IARS1: variants seen among roughly 807,000 people sequenced by gnomAD.
The protein encoded by IARS1 is isoleucyl-tRNA synthetase 1, also known as isoleucine--tRNA ligase, cytoplasmic.
In IARS1, 124 loss-of-function variants were observed where a neutral mutation model predicts 168.2. The ratio of observed to expected loss-of-function variants is 0.74; its 90% confidence interval spans 0.64 to 0.86. The LOEUF (loss-of-function observed/expected upper bound fraction) is 0.86, where lower values mean the gene tolerates loss of function less well. IARS1 is among the 40% of genes least tolerant of loss of function. The pLI is 0.00. For missense variants in IARS1, 1,452 were observed against 1,515.8 expected (o/e 0.96, Z 0.70); for synonymous variants, 532 against 529.4 (o/e 1.00, Z -0.07).
At chr9:92,258,784 C>A in intron 19 of IARS1, 70 bp downstream of exon 19, 1 of 1,458,918 alleles carries the variant, frequency 6.9e-7, no homozygotes, top group South Asian at 1.4e-5. Context: ...CAGAGCTCCA[C>A]CTCACAGCTT....
At chr9:92,215,638 G>A (rs558696186) in intron 33 of IARS1, among the ~76,000 whole-genome samples, 2 of 152,158 alleles carry the variant, frequency 1.3e-5, no homozygotes, top group African/African-American at 4.8e-5. Context: ...GAAGCCTCAG[G>A]AGCCGATGCG....
intron 13 of IARS1, among the ~76,000 whole-genome samples, chr9:92,269,604 G>T (rs1832742823): frequency 6.6e-6 from 1 of 152,114 alleles, no homozygotes; most frequent in South Asian, 2.1e-4. Flanking sequence ...ATTTTTCCAA[G>T]GTCATTTCAT....
intron 32 of IARS1, among the ~76,000 whole-genome samples, chr9:92,222,898 C>T (rs1437528903): frequency 1.3e-5 from 2 of 151,920 alleles, no homozygotes; most frequent in Non-Finnish European, 2.9e-5. Flanking sequence ...TATAAAAGCC[C>T]AGCAGCTTGG....
At chr9:92,270,908 G>C (rs1832933281) in intron 12 of IARS1, 77 bp downstream of exon 12, 1 of 928,606 alleles carries the variant, frequency 1.1e-6, no homozygotes. Flanking sequence ...CCACAAATAA[G>C]ATGGAATGGG....
chr9:92,240,018 G>T (rs1477002206), intron 30 of IARS1, among the ~76,000 whole-genome samples: 1 of 152,146 alleles, frequency 6.6e-6, no homozygotes, highest in African/African-American at 2.4e-5. Context: ...AGCTTCTTCA[G>T]TTCCAACTTT....
rs774187456 is a variant in IARS1, at chr9:92,222,505, C to A, written c.3706+15G>T. ...TCAACAAAAATAAAAAACTTACGGT[C>A]CACAATCTCCTTACCCTGCGTTTGG... On this transcript the variant is annotated intron_variant, in intron 33 of 33. Coordinates refer to ENST00000443024, the MANE Select transcript of IARS1 (RefSeq NM_002161.6). The A allele has an allele frequency of 1.2e-6, 2 of 1,607,528 alleles. No homozygotes were observed. The highest frequency in any genetic ancestry group is 2.2e-5 in the South Asian group (2 of 89,808).
At chr9:92,223,525 G>A (rs930218699) in intron 31 of IARS1, 36 bp from the exon 32 acceptor site, 31 of 1,571,958 alleles carry the variant, frequency 2.0e-5, no homozygotes, top group Non-Finnish European at 2.6e-5. Flanking sequence ...CAGGGTTAAC[G>A]AACAAATTCA....
intron 21 of IARS1, among the ~76,000 whole-genome samples, chr9:92,253,155 T>C (rs991918867): frequency 6.6e-6 from 1 of 152,172 alleles, no homozygotes; most frequent in Admixed American, 6.5e-5. Flanking sequence ...GTTGTGAAAA[T>C]AATGCAAAAT....
intron 7 of IARS1, 74 bp from the exon 8 acceptor site, chr9:92,278,360 A>G: frequency 2.9e-6 from 3 of 1,017,334 alleles, no homozygotes; most frequent in Non-Finnish European, 3.1e-6. Flanking sequence ...TGCATCAAGC[A>G]TACTTTTGTC....
chr9:92,271,140 C>T, intron 11 of IARS1, 64 bp from the exon 12 acceptor site: 1 of 920,034 alleles, frequency 1.1e-6, no homozygotes, highest in East Asian at 2.6e-5. Context: ...CAATATATTA[C>T]TAGAATCTGA....
rs1587834918 is a variant in IARS1, at chr9:92,264,135, G to C, written c.1700+794C>G. On this transcript the variant is annotated intron_variant, in intron 16 of 33. Coordinates refer to ENST00000443024, the MANE Select transcript of IARS1 (RefSeq NM_002161.6). ...GGGTCACTTGAGGTCAGGAGTTCGA[G>C]ACCAGCCTGGCCAACATGGTGAAAC... Among the ~76,000 whole-genome samples the C allele has an allele frequency of 5.9e-5, 9 of 152,256 alleles. 1 individual carries two copies. Among genetic ancestry groups the C allele is most frequent in the Admixed American group, 5.9e-4 (9 of 15,302 alleles).
intron 30 of IARS1, among the ~76,000 whole-genome samples, chr9:92,230,988 C>T (rs1419533925): frequency 2.6e-5 from 4 of 152,106 alleles, no homozygotes; most frequent in Non-Finnish European, 5.9e-5. Flanking sequence ...CTAGATATGT[C>T]TTTTGTCAAA....
At chr9:92,258,263 G>A (rs1393143891) in intron 19 of IARS1, among the ~76,000 whole-genome samples, 1 of 152,082 alleles carries the variant, frequency 6.6e-6, no homozygotes, top group Admixed American at 6.6e-5. Flanking sequence ...TAAGGGGAGG[G>A]GTGTCTCACT....
At chr9:92,288,099 ATT>A (rs1459292461) in intron 3 of IARS1, 25 bp downstream of exon 3, 1 of 1,590,840 alleles carries the variant, frequency 6.3e-7, no homozygotes, top group Admixed American at 1.9e-5. Flanking sequence ...AAATCAGAAA[ATT>A]ATAAAGCTGG....
At chr9:92,258,144 T>G (rs1395912718) in intron 19 of IARS1, among the ~76,000 whole-genome samples, 1 of 152,154 alleles carries the variant, frequency 6.6e-6, no homozygotes, top group African/African-American at 2.4e-5. Context: ...TGACCACCCA[T>G]CTCAAGTGGC....
Position 92,287,773 on chromosome 9 carries a change from G to T in IARS1, c.396+18C>A. ...AACTACATTTGCTGTTCATTCTACT[G>T]AAAAAAACCCAACATACCTTCCACT... On this transcript the variant is annotated intron_variant, in intron 4 of 33. Transcript: ENST00000443024. 6.2e-7 allele frequency: 1 copy of T among 1,602,780 alleles called. No homozygotes were observed. Among genetic ancestry groups the T allele is most frequent in the East Asian group, 2.2e-5 (1 of 44,480 alleles).
intron 10 of IARS1, among the ~76,000 whole-genome samples, chr9:92,273,194 C>A (rs1453420896): frequency 6.6e-6 from 1 of 151,134 alleles, no homozygotes; most frequent in Non-Finnish European, 1.5e-5. Context: ...TTTTTATTAT[C>A]TACTAAGAGT....
chr9:92,242,492 C>G, intron 28 of IARS1, 162 bp from the exon 29 acceptor site: 1 of 601,866 alleles, frequency 1.7e-6, no homozygotes, highest in Non-Finnish European at 2.9e-6. Flanking sequence ...TAACTGCACT[C>G]AGTACATGAT....
rs758386804 is a variant in IARS1 at position 92,280,812 on chromosome 9, G to C, written c.679C>G (p.Pro227Ala). The C allele has an allele frequency of 1.9e-6, 3 of 1,610,934 alleles. No individual in the cohort carries two copies. The highest frequency in any genetic ancestry group is 3.3e-5 in the Admixed American group (2 of 59,960). The stretch of plus-strand genomic sequence containing the variant: ...GCAAGGTTACTAGGTAGAGTCCAGG[G>C]AGTGGTTGTCCAAGCAACTAAAGAT... The part of the protein sequence containing the change: ...TVSLVAWTTT[P>A]WTLPSNLAVC... Residue 227 changes from proline to alanine, a missense_variant, in exon 7 of 34, where the codon CCC becomes GCC. Physicochemically the swap from Pro to Ala is conservative, Grantham distance 27. Coordinates refer to ENST00000443024, the MANE Select transcript of IARS1 (RefSeq NM_002161.6).
Sources: gnomAD v4.1 joint callset for allele counts (sites outside exome capture counted in the v4.1 genomes callset) on GRCh38, gnomAD v4.1.1 for gene constraint, MANE v1.5 for transcripts, NCBI Gene and HGNC (gene_info 2026-07-23, HGNC 2026-07-21) for gene names.